KDM6A: variants seen among roughly 807,000 people sequenced by gnomAD.
KDM6A encodes the protein lysine demethylase 6A, also known as lysine-specific demethylase 6A.
In KDM6A, 11 loss-of-function variants were observed where a neutral mutation model predicts 117.6. The ratio of observed to expected loss-of-function variants is 0.09; its 90% CI spans 0.06 to 0.15. KDM6A has a LOEUF of 0.15. Among genes scored for constraint, KDM6A ranks in the 10% least tolerant of loss-of-function variants. The probability of loss-of-function intolerance (pLI) is 1.00; values close to 1 mark genes in which losing one functional copy is unlikely to be tolerated. For synonymous variants in KDM6A, 384 were observed against 396.1 expected (o/e 0.97, Z 0.36); for missense variants, 799 against 1,077.3 (o/e 0.74, Z 3.62).
chrX:44,991,724 T>C (rs755314595), intron 4 of KDM6A, among the ~76,000 whole-genome samples: 1 of 112,157 alleles, frequency 8.9e-6, no homozygotes, highest in Non-Finnish European at 1.9e-5. Flanking sequence ...TTCACTCTTG[T>C]TGCTCAGGCT....
At chrX:44,923,796 C>T (rs1405627150) in intron 2 of KDM6A, among the ~76,000 whole-genome samples, 1 of 111,049 alleles carries the variant, frequency 9.0e-6, no homozygotes, top group African/African-American at 3.3e-5. Context: ...AATCTCGGCT[C>T]ACTGCAACCT....
At chrX:45,076,965 G>C in intron 19 of KDM6A, 139 bp downstream of exon 19, 4 of 454,428 alleles carry the variant, frequency 8.8e-6, no homozygotes, top group Admixed American at 3.6e-5. Flanking sequence ...GGGGCGGGGG[G>C]GAAGATATAT....
intron 2 of KDM6A, among the ~76,000 whole-genome samples, chrX:44,916,011 C>G (rs777685435): frequency 5.4e-5 from 6 of 111,636 alleles, no homozygotes; most frequent in African/African-American, 1.9e-4. Context: ...ACCACATTGA[C>G]ATAACTTTTA....
chrX:44,924,969 G>C (rs962186560), intron 2 of KDM6A, among the ~76,000 whole-genome samples: 3 of 111,623 alleles, frequency 2.7e-5, no homozygotes, highest in Non-Finnish European at 5.6e-5. Flanking sequence ...GATTACAGGC[G>C]TGAGCCACTG....
chrX:45,067,653 GT>G (rs1192862756), intron 17 of KDM6A, among the ~76,000 whole-genome samples: 42 of 83,270 alleles, frequency 5.0e-4, no homozygotes, highest in Middle Eastern at 0.013. Flanking sequence ...TCTTTTTTTT[GT>G]TTTTTTTTTT....
intron 18 of KDM6A, among the ~76,000 whole-genome samples, chrX:45,073,468 T>C (rs2044962014): frequency 1.8e-5 from 2 of 111,923 alleles, no homozygotes; most frequent in Admixed American, 1.9e-4. Flanking sequence ...TCCACAATGG[T>C]TGAGCTAGTT....
At chrX:45,043,154 G>C (rs899080653) in intron 8 of KDM6A, among the ~76,000 whole-genome samples, 1 of 111,102 alleles carries the variant, frequency 9.0e-6, no homozygotes, top group African/African-American at 3.3e-5. Flanking sequence ...GCGGGATATG[G>C]TGGTGCATGC....
chrX:44,978,414 A>T (rs2039721017), intron 4 of KDM6A, among the ~76,000 whole-genome samples: 1 of 112,106 alleles, frequency 8.9e-6, no homozygotes, highest in African/African-American at 3.2e-5. Flanking sequence ...ACTAATACAA[A>T]AGTATTTTAC....
At chrX:44,876,926 C>G (rs2031648623) in intron 2 of KDM6A, among the ~76,000 whole-genome samples, 2 of 110,950 alleles carry the variant, frequency 1.8e-5, no homozygotes, top group South Asian at 7.3e-4. Context: ...CACACATATA[C>G]ATATACGCAT....
chrX:45,039,118 G>A (rs1201203293), intron 8 of KDM6A, among the ~76,000 whole-genome samples: 3 of 110,846 alleles, frequency 2.7e-5, no homozygotes, highest in Non-Finnish European at 5.7e-5. Context: ...AATTATTTGG[G>A]AAGCTTTATA....
At position 45,063,644 on chromosome X, in the gene KDM6A, A is replaced by G; in HGVS notation, c.1906A>G (p.Thr636Ala). ...CCATGTTCCCTGTAGCACATCAAGA[A>G]CGCTGGGAAGTACAGACACTATTTT... ...AGHVPCSTSR[T>A]LGSTDTILIG... is the part of the protein sequence containing the mutation. Residue 636 changes from threonine to alanine, a missense_variant, in exon 17 of 30, where the codon ACG becomes GCG. Around this residue, in one of 8 missense-constraint regions of KDM6A, gnomAD observed 301 missense variants for 318.3 expected, o/e 0.95. Coordinates refer to ENST00000611820, the MANE Select transcript of KDM6A (RefSeq NM_001291415.2). The G allele has an allele frequency of 2.5e-6, 3 of 1,210,652 alleles. No homozygotes were observed. The highest frequency in any genetic ancestry group is 3.4e-6 in the Non-Finnish European group (3 of 894,795).
rs2148049637 is a variant in KDM6A at position 45,070,062 on chromosome X, A to G, written c.2563A>G (p.Ile855Val). Residue 855 changes from isoleucine to valine, a missense_variant, in exon 18 of 30, where the codon ATC (isoleucine) becomes GTC (valine). Physicochemically the swap from Ile to Val is conservative, Grantham distance 29. This residue lies in a region of KDM6A where 301 missense variants were observed against 318.3 expected (regional missense o/e 0.95). Transcript: ENST00000611820. ...TGGAACCTGTGACAAAGTCAATAAC[A>G]TCCACCCAGCTGTTCATACAAAGAC... ...GTGTCDKVNN[I>V]HPAVHTKTDN... 8.3e-7 allele frequency: 1 copy of G among 1,211,686 alleles called. No individual in the cohort carries two copies. Among genetic ancestry groups the G allele is most frequent in the Non-Finnish European group, 1.1e-6 (1 of 895,370 alleles).
At chrX:44,899,210 GGTGTGTGTGTATGCGTGTGTGTGTGTGT>G (rs1287625840) in intron 2 of KDM6A, among the ~76,000 whole-genome samples, 1 of 77,989 alleles carries the variant, frequency 1.3e-5, no homozygotes, top group African/African-American at 5.6e-5. Context: ...AGGAAGGGAG[GGTGTGTGTGTATGCGTGTGTGTGTGTGT>G]GTGTGTGTGT....
intron 6 of KDM6A, among the ~76,000 whole-genome samples, chrX:45,022,848 G>T (rs2042224430): frequency 8.9e-6 from 1 of 111,762 alleles, no homozygotes; most frequent in Non-Finnish European, 1.9e-5. Flanking sequence ...CTAGCCTTCA[G>T]GATTGGTTGA....
At chrX:45,100,332 G>A (rs1364575040) in intron 27 of KDM6A, among the ~76,000 whole-genome samples, 2 of 111,131 alleles carry the variant, frequency 1.8e-5, no homozygotes, top group African/African-American at 6.5e-5. Flanking sequence ...TGATAAAGCC[G>A]ACCCCCAGCA....
At chrX:44,974,772 A>G in intron 4 of KDM6A, 57 bp downstream of exon 4, 5 of 850,534 alleles carry the variant, frequency 5.9e-6, no homozygotes, top group Non-Finnish European at 8.8e-6. Context: ...ATTATTGCCA[A>G]TTATACTCAA....
intron 2 of KDM6A, among the ~76,000 whole-genome samples, chrX:44,950,621 G>T (rs1396936117): frequency 9.1e-6 from 1 of 110,177 alleles, no homozygotes; most frequent in Non-Finnish European, 1.9e-5. Context: ...TGTGAATATA[G>T]AATCCATTAA....
At chrX:45,032,455 A>C (rs1403515720) in intron 6 of KDM6A, among the ~76,000 whole-genome samples, 1 of 112,086 alleles carries the variant, frequency 8.9e-6, no homozygotes, top group Non-Finnish European at 1.9e-5. Context: ...CTTTATGTGG[A>C]ACGGTGTTGT....
At chrX:45,027,540 ATTTTCT>A (rs2147725421) in intron 6 of KDM6A, among the ~76,000 whole-genome samples, 1 of 110,959 alleles carries the variant, frequency 9.0e-6, no homozygotes, top group South Asian at 3.8e-4. Flanking sequence ...ATATGACTCA[ATTTTCT>A]TAGGGGATTA....
Sources: gnomAD v4.1 joint callset for allele counts (sites outside exome capture counted in the v4.1 genomes callset) on GRCh38, gnomAD v4.1.1 for gene constraint, gnomAD v4.1.1 regional missense constraint, MANE v1.5 for transcripts, NCBI Gene and HGNC (gene_info 2026-07-23, HGNC 2026-07-21) for gene names.